The following TMBIM4 variants were observed in gnomAD, a reference collection of about 807,000 sequenced individuals.
The protein encoded by TMBIM4 is transmembrane BAX inhibitor motif containing 4.
Under a neutral mutation model 27.7 loss-of-function variants are expected in TMBIM4, and 28 were observed. That is an observed-to-expected ratio of 1.01 (90% confidence interval 0.75 to 1.38). TMBIM4 has a LOEUF of 1.38. Among genes scored for constraint, TMBIM4 ranks in the 40% most tolerant of loss-of-function variants. The pLI is 0.00. For missense variants in TMBIM4, 265 were observed against 277.5 expected (o/e 0.95, Z 0.32); for synonymous variants, 115 against 113.1 (o/e 1.02, Z -0.11).
At chr12:66,149,637 A>T (rs1344304570) in intron 3 of TMBIM4, among the ~76,000 whole-genome samples, 1 of 152,124 alleles carries the variant, frequency 6.6e-6, no homozygotes, top group East Asian at 1.9e-4. Flanking sequence ...TGTCCCTTTA[A>T]AACATATACA....
chr12:66,169,785 G>A, intron 1 of TMBIM4, 70 bp downstream of exon 1: 1 of 1,241,804 alleles, frequency 8.1e-7, no homozygotes, highest in Non-Finnish European at 1.1e-6. Context: ...CTCGGAAGCC[G>A]GAAGTCGGCT....
chr12:66,160,559 T>A (rs2052017957), intron 1 of TMBIM4, among the ~76,000 whole-genome samples: 2 of 152,214 alleles, frequency 1.3e-5, no homozygotes, highest in African/African-American at 4.8e-5. Context: ...CTATATCACA[T>A]ATATATTACA....
intron 1 of TMBIM4, among the ~76,000 whole-genome samples, chr12:66,164,841 A>G (rs2136886125): frequency 6.6e-6 from 1 of 152,346 alleles, no homozygotes; most frequent in South Asian, 2.1e-4. Context: ...AGAAAACCCT[A>G]AAGATTCCAT....
chr12:66,154,444 A>G (rs565780559), intron 1 of TMBIM4, among the ~76,000 whole-genome samples: 1 of 152,338 alleles, frequency 6.6e-6, no homozygotes, highest in African/African-American at 2.4e-5. Context: ...AACAGTCGTT[A>G]AATTTTATTT....
At chr12:66,143,723 T>C (rs1295384062) in intron 5 of TMBIM4, among the ~76,000 whole-genome samples, 1 of 152,176 alleles carries the variant, frequency 6.6e-6, no homozygotes, top group African/African-American at 2.4e-5. Context: ...ACGCACTTCT[T>C]CAGTCCCTAT....
At chr12:66,168,943 A>T (rs1168743) in intron 1 of TMBIM4, 14,798 of 200,510 alleles carry the variant, frequency 0.074, 1,920 homozygotes, top group African/African-American at 0.3. Flanking sequence ...AATTTTTTTT[A>T]AAAAAAAGCT....
chr12:66,165,088 C>T (rs2052102747), intron 1 of TMBIM4, among the ~76,000 whole-genome samples: 2 of 152,082 alleles, frequency 1.3e-5, no homozygotes, highest in South Asian at 4.1e-4. Context: ...AATGGAAACA[C>T]ATCCATCATT....
At chr12:66,158,292 G>C (rs905268856) in intron 1 of TMBIM4, among the ~76,000 whole-genome samples, 2 of 150,002 alleles carry the variant, frequency 1.3e-5, no homozygotes, top group Non-Finnish European at 3.0e-5. Context: ...TACATAAAGA[G>C]TATAATTGTA....
intron 1 of TMBIM4, among the ~76,000 whole-genome samples, chr12:66,158,242 C>CA (rs2051975432): frequency 1.7e-5 from 2 of 119,886 alleles, no homozygotes; most frequent in Non-Finnish European, 3.6e-5. Context: ...AAAAAAAAAA[C>CA]AAAAAAATGA....
At chr12:66,147,782 C>T in intron 4 of TMBIM4, 126 bp downstream of exon 4, 2 of 646,608 alleles carry the variant, frequency 3.1e-6, no homozygotes, top group South Asian at 5.3e-5. Flanking sequence ...ATTATTTGTC[C>T]TATGCTATAT....
At chr12:66,169,335 A>G (rs2052191531) in intron 1 of TMBIM4, 2 of 687,526 alleles carry the variant, frequency 2.9e-6, no homozygotes, top group Non-Finnish European at 5.3e-6. Flanking sequence ...ATCCTCAAAG[A>G]CCTGTTGCAT....
intron 1 of TMBIM4, among the ~76,000 whole-genome samples, chr12:66,155,532 C>T (rs2051921560): frequency 6.6e-6 from 1 of 152,044 alleles, no homozygotes; most frequent in Non-Finnish European, 1.5e-5. Context: ...GGGGTTTTAC[C>T]ACATTCCCGG....
At chr12:66,154,493 A>G (rs1409355940) in intron 1 of TMBIM4, among the ~76,000 whole-genome samples, 1 of 152,212 alleles carries the variant, frequency 6.6e-6, no homozygotes, top group East Asian at 1.9e-4. Flanking sequence ...TGAAGGGTAA[A>G]TTTTACTAGT....
chr12:66,158,168 G>A (rs1266228908), intron 1 of TMBIM4, among the ~76,000 whole-genome samples: 1 of 149,142 alleles, frequency 6.7e-6, no homozygotes, highest in Non-Finnish European at 1.5e-5. Flanking sequence ...GGAGCTTGCA[G>A]TGAGCCGAGA....
intron 5 of TMBIM4, among the ~76,000 whole-genome samples, 195 bp downstream of exon 5, chr12:66,145,646 A>G (rs1015000819): frequency 3.9e-5 from 6 of 152,042 alleles, no homozygotes; most frequent in African/African-American, 9.7e-5. Context: ...AGAGAAGCAA[A>G]TAAGTCAAAG....
chr12:66,167,243 C>T (rs940923889), intron 1 of TMBIM4, among the ~76,000 whole-genome samples: 2 of 152,252 alleles, frequency 1.3e-5, no homozygotes, highest in South Asian at 2.1e-4. Flanking sequence ...CGAACCTTAA[C>T]GTAAACCTTG....
chr12:66,158,179 T>C (rs1458672268), intron 1 of TMBIM4, among the ~76,000 whole-genome samples: 3 of 147,602 alleles, frequency 2.0e-5, no homozygotes, highest in African/African-American at 7.6e-5. Context: ...TGAGCCGAGA[T>C]TGCACCACTG....
intron 3 of TMBIM4, among the ~76,000 whole-genome samples, chr12:66,151,815 A>G (rs779746034): frequency 6.6e-6 from 1 of 152,248 alleles, no homozygotes; most frequent in Non-Finnish European, 1.5e-5. Flanking sequence ...GGTTCTTTAA[A>G]AGATCAGAGT....
chr12:66,146,258 G>A (rs995293371), intron 4 of TMBIM4, among the ~76,000 whole-genome samples: 6 of 152,188 alleles, frequency 3.9e-5, no homozygotes, highest in African/African-American at 1.4e-4. Context: ...AGGTATGGGA[G>A]TGATTCTCAG....
Sources: allele counts gnomAD v4.1 joint callset (sites outside exome capture counted in the v4.1 genomes callset), GRCh38; gene constraint gnomAD v4.1.1; transcripts MANE v1.5; gene names NCBI Gene and HGNC (gene_info 2026-07-23, HGNC 2026-07-21).